The following SGCZ variants were observed in gnomAD, a reference collection of about 807,000 sequenced individuals.
SGCZ encodes the protein sarcoglycan zeta, also known as zeta-sarcoglycan.
A neutral mutation model predicts 41.3 loss-of-function variants in SGCZ; 40 were observed. The ratio of observed to expected loss-of-function variants is 0.97; its 90% CI spans 0.75 to 1.26. The LOEUF is 1.26. SGCZ is among the 50% of genes most tolerant of loss of function. SGCZ has a pLI of 0.00. For synonymous variants in SGCZ, 206 were observed against 137.5 expected, an observed-to-expected ratio of 1.50 and a Z score of -3.49; for missense variants, 552 against 369.8, an observed-to-expected ratio of 1.49 and a Z score of -4.04.
chr8:15,147,009 T>C (rs1005999392), intron 1 of SGCZ, among the ~76,000 whole-genome samples: 4 of 152,180 alleles, frequency 2.6e-5, no homozygotes, highest in African/African-American at 9.7e-5. Context: ...GGCTGAAAAC[T>C]GGAAGGCAAT....
chr8:14,476,699 C>A (rs929766660), intron 2 of SGCZ, among the ~76,000 whole-genome samples: 1 of 152,146 alleles, frequency 6.6e-6, no homozygotes. Flanking sequence ...CTGATTCTTA[C>A]AACAACTTGG....
At chr8:14,512,782 T>C (rs1339641388) in intron 2 of SGCZ, among the ~76,000 whole-genome samples, 1 of 151,994 alleles carries the variant, frequency 6.6e-6, no homozygotes, top group Non-Finnish European at 1.5e-5. Flanking sequence ...CAAAATTTAA[T>C]ATTTAGAGTT....
At chr8:14,688,740 T>G (rs139868043) in intron 1 of SGCZ, among the ~76,000 whole-genome samples, 7 of 152,026 alleles carry the variant, frequency 4.6e-5, no homozygotes, top group Admixed American at 4.6e-4. Context: ...AGAAAGTCAT[T>G]GGTAGTTGGA....
intron 1 of SGCZ, among the ~76,000 whole-genome samples, chr8:14,999,594 C>T (rs77825311): frequency 6.6e-6 from 1 of 152,228 alleles, no homozygotes; most frequent in Admixed American, 6.5e-5. Context: ...TAGTCAGAGG[C>T]TGCATGAGGG....
In SGCZ at chr8:14,914,243, G is replaced by T. The variant is rs201778150; in HGVS notation, c.39+323342C>A. On this transcript the variant is annotated intron_variant, in intron 1 of 7. Transcript: ENST00000382080. ...AAATATGTATGCGTATATATATATAGAGAGTGTGTAATGTCAATTAACTAA... is the reference window on the plus strand; with the variant it reads ...AAATATGTATGCGTATATATATATATAGAGTGTGTAATGTCAATTAACTAA... Among the ~76,000 whole-genome samples, 854 of 99,620 alleles carry T rather than the reference G, an allele frequency of 8.6e-3. 9 individuals are homozygous for T. The highest frequency in any genetic ancestry group is 0.042 in the East Asian group (148 of 3,550). The allele number at this position is 99,620 out of a possible 152,430, so 65.4% of individuals were successfully genotyped here.
chr8:14,658,080 T>C (rs1807631580), intron 1 of SGCZ, among the ~76,000 whole-genome samples: 1 of 152,166 alleles, frequency 6.6e-6, no homozygotes, highest in East Asian at 1.9e-4. Context: ...CATTATGCCA[T>C]GTCCATCTTC....
intron 1 of SGCZ, among the ~76,000 whole-genome samples, chr8:14,841,265 T>C (rs1395632276): frequency 2.0e-5 from 3 of 152,114 alleles, no homozygotes; most frequent in South Asian, 2.1e-4. Context: ...GGTCCTTCTC[T>C]TCTGCTGCAT....
At chr8:15,154,623 G>A (rs1261775176) in intron 1 of SGCZ, among the ~76,000 whole-genome samples, 1 of 152,206 alleles carries the variant, frequency 6.6e-6, no homozygotes, top group Non-Finnish European at 1.5e-5. Context: ...TGAGTTGTAA[G>A]TAACAGGTGA....
At chr8:14,546,668 T>C (rs1246169813) in intron 2 of SGCZ, among the ~76,000 whole-genome samples, 4 of 152,200 alleles carry the variant, frequency 2.6e-5, no homozygotes, top group Non-Finnish European at 5.9e-5. Context: ...TATTAAGATA[T>C]CTTTTGCCCA....
At chr8:15,097,861 T>TATATATATATATATATAC (rs1284608042) in intron 1 of SGCZ, among the ~76,000 whole-genome samples, 1 of 16,964 alleles carries the variant, frequency 5.9e-5, no homozygotes, top group South Asian at 6.0e-3. Flanking sequence ...TATATACGTG[T>TATATATATATATATATAC]GTGTGTATAT....
chr8:14,496,951 T>G (rs1802005606), intron 2 of SGCZ, among the ~76,000 whole-genome samples: 1 of 152,152 alleles, frequency 6.6e-6, no homozygotes, highest in Non-Finnish European at 1.5e-5. Flanking sequence ...TTCTTTTAGG[T>G]TGTTTATTTC....
At chr8:14,560,627 T>G (rs1031977010) in intron 1 of SGCZ, among the ~76,000 whole-genome samples, 3 of 152,152 alleles carry the variant, frequency 2.0e-5, no homozygotes, top group African/African-American at 7.2e-5. Context: ...TCTAGAATGT[T>G]CTATTTCTAC....
chr8:14,926,592 C>A (rs1278210164), intron 1 of SGCZ, among the ~76,000 whole-genome samples: 2 of 150,884 alleles, frequency 1.3e-5, no homozygotes, highest in South Asian at 2.1e-4. Flanking sequence ...ATTTCTTGGG[C>A]AAACTCAGTA....
chr8:15,179,024 G>A (rs781668778), intron 1 of SGCZ, among the ~76,000 whole-genome samples: 101 of 152,256 alleles, frequency 6.6e-4, no homozygotes, highest in Non-Finnish European at 1.2e-3. Flanking sequence ...TTACTCTCAT[G>A]TAGTAGACTA....
At chr8:14,544,343 T>C (rs2117159705) in intron 2 of SGCZ, among the ~76,000 whole-genome samples, 1 of 152,200 alleles carries the variant, frequency 6.6e-6, no homozygotes, top group East Asian at 1.9e-4. Context: ...TTGAACAATA[T>C]GAAATCAGTG....
chr8:15,116,610 G>C (rs1807279113), intron 1 of SGCZ, among the ~76,000 whole-genome samples: 1 of 152,172 alleles, frequency 6.6e-6, no homozygotes, highest in Non-Finnish European at 1.5e-5. Flanking sequence ...GACAGAAAGG[G>C]CAAAGGGTAT....
chr8:15,012,608 T>C (rs6984160), intron 1 of SGCZ, among the ~76,000 whole-genome samples: 4 of 91,986 alleles, frequency 4.3e-5, no homozygotes, highest in South Asian at 3.1e-4. Flanking sequence ...ATTTATATAA[T>C]ACATATATGT....
At chr8:14,419,757 C>T (rs1317806843) in intron 2 of SGCZ, among the ~76,000 whole-genome samples, 2 of 151,938 alleles carry the variant, frequency 1.3e-5, no homozygotes, top group African/African-American at 4.8e-5. Flanking sequence ...TGCCCAATTT[C>T]CATGTCTGTT....
At chr8:14,644,077 T>C (rs1291761432) in intron 1 of SGCZ, among the ~76,000 whole-genome samples, 2 of 151,764 alleles carry the variant, frequency 1.3e-5, no homozygotes, top group Non-Finnish European at 2.9e-5. Context: ...TTTTAAGTAT[T>C]ATGATCTAGC....
Sources: gnomAD v4.1 joint callset for allele counts (sites outside exome capture counted in the v4.1 genomes callset) on GRCh38, gnomAD v4.1.1 for gene constraint, MANE v1.5 for transcripts, NCBI Gene and HGNC (gene_info 2026-07-23, HGNC 2026-07-21) for gene names.